CACNA2D3: variants seen among roughly 807,000 people sequenced by gnomAD.
CACNA2D3 encodes the protein calcium voltage-gated channel auxiliary subunit alpha2delta 3.
In CACNA2D3, 60 loss-of-function variants were observed where a neutral mutation model predicts 160.6. The ratio of observed to expected loss-of-function variants is 0.37; its 90% CI spans 0.30 to 0.46. CACNA2D3 has a LOEUF of 0.46. CACNA2D3 is among the 20% of genes least tolerant of loss of function. The pLI, the probability that CACNA2D3 is intolerant of heterozygous loss-of-function variation, is 1.00. For missense variants in CACNA2D3, 1,205 were observed against 1,365.0 expected (o/e 0.88, Z 1.85); for synonymous variants, 558 against 492.9 (o/e 1.13, Z -1.75).
chr3:54,517,082 G>T (rs1187166501), intron 5 of CACNA2D3, among the ~76,000 whole-genome samples: 3 of 152,340 alleles, frequency 2.0e-5, no homozygotes, highest in Admixed American at 1.3e-4. Context: ...ACACGGATTT[G>T]GGTGGTGGTG....
At chr3:54,896,965 G>A (rs932832627) in intron 26 of CACNA2D3, 95 bp downstream of exon 26, 20 of 1,529,228 alleles carry the variant, frequency 1.3e-5, no homozygotes, top group African/African-American at 5.5e-5. Context: ...AATGCTGAAA[G>A]GAACCAAGTT....
chr3:54,900,296 T>TC (rs2106889094), intron 27 of CACNA2D3, among the ~76,000 whole-genome samples: 1 of 152,270 alleles, frequency 6.6e-6, no homozygotes, highest in African/African-American at 2.4e-5. Flanking sequence ...GAGATTTTCA[T>TC]CCCCCTAATC....
At chr3:54,993,593 T>A (rs1013925784) in intron 31 of CACNA2D3, among the ~76,000 whole-genome samples, 25 of 152,038 alleles carry the variant, frequency 1.6e-4, no homozygotes, top group Non-Finnish European at 7.4e-5. Flanking sequence ...AAATCTTTAC[T>A]GAAGGATGAA....
chr3:54,509,941 A>G (rs2106959025), intron 5 of CACNA2D3, among the ~76,000 whole-genome samples: 1 of 152,310 alleles, frequency 6.6e-6, no homozygotes, highest in African/African-American at 2.4e-5. Flanking sequence ...GTGTGTATGC[A>G]TAGGTTTGTG....
At chr3:54,876,021 G>A (rs771556070) in intron 18 of CACNA2D3, among the ~76,000 whole-genome samples, 5 of 152,134 alleles carry the variant, frequency 3.3e-5, no homozygotes. Context: ...CTGCACATGG[G>A]TTTTTTAATG....
intron 4 of CACNA2D3, among the ~76,000 whole-genome samples, chr3:54,388,532 G>A (rs1699227614): frequency 6.6e-6 from 1 of 152,236 alleles, no homozygotes; most frequent in Admixed American, 6.5e-5. Flanking sequence ...AGGGGAATGA[G>A]GAGAAGCTCT....
intron 17 of CACNA2D3, among the ~76,000 whole-genome samples, chr3:54,849,485 G>C (rs1699009304): frequency 6.6e-6 from 1 of 152,128 alleles, no homozygotes; most frequent in African/African-American, 2.4e-5. Context: ...ACTTACTTTA[G>C]GTTCTTCTGG....
chr3:54,949,664 G>A (rs1397172505), intron 27 of CACNA2D3, among the ~76,000 whole-genome samples: 1 of 152,216 alleles, frequency 6.6e-6, no homozygotes, highest in East Asian at 1.9e-4. Flanking sequence ...GTTGCAAACA[G>A]TAACCTGAAA....
intron 34 of CACNA2D3, among the ~76,000 whole-genome samples, chr3:55,013,943 T>G (rs1703267816): frequency 6.6e-6 from 1 of 152,160 alleles, no homozygotes; most frequent in Non-Finnish European, 1.5e-5. Context: ...GGACGCTCCC[T>G]TGGGTGCTTC....
intron 2 of CACNA2D3, among the ~76,000 whole-genome samples, chr3:54,221,445 G>A (rs1320296025): frequency 6.6e-6 from 1 of 152,202 alleles, no homozygotes; most frequent in Non-Finnish European, 1.5e-5. Context: ...AATTTTGAAT[G>A]TCTAACTGGT....
At chr3:54,523,932 C>G (rs183971735) in intron 5 of CACNA2D3, among the ~76,000 whole-genome samples, 3 of 151,508 alleles carry the variant, frequency 2.0e-5, no homozygotes, top group African/African-American at 7.2e-5. Flanking sequence ...ATTTTTTTAT[C>G]TTCTTAATGA....
At chr3:54,475,583 C>T (rs773274997) in intron 4 of CACNA2D3, among the ~76,000 whole-genome samples, 22 of 152,080 alleles carry the variant, frequency 1.4e-4, no homozygotes, top group Admixed American at 2.6e-4. Flanking sequence ...CTGAAGTTCC[C>T]TTCCCCCAAG....
chr3:55,001,661 G>T (rs1246192976), intron 31 of CACNA2D3, among the ~76,000 whole-genome samples: 1 of 152,110 alleles, frequency 6.6e-6, no homozygotes, highest in African/African-American at 2.4e-5. Context: ...TGAGCCTTTG[G>T]GAACAGTGCA....
chr3:54,254,555 T>C (rs1202332226), intron 2 of CACNA2D3, among the ~76,000 whole-genome samples: 2 of 152,210 alleles, frequency 1.3e-5, no homozygotes, highest in African/African-American at 4.8e-5. Context: ...TTACCTAACC[T>C]TTCTGAGCTT....
At chr3:54,231,813 G>A (rs1038374332) in intron 2 of CACNA2D3, among the ~76,000 whole-genome samples, 8 of 152,268 alleles carry the variant, frequency 5.3e-5, no homozygotes, top group African/African-American at 1.9e-4. Flanking sequence ...ATTCCGTAGA[G>A]GCAGACAGCT....
intron 27 of CACNA2D3, among the ~76,000 whole-genome samples, chr3:54,912,782 T>C (rs1337682669): frequency 6.6e-6 from 1 of 152,190 alleles, no homozygotes; most frequent in Non-Finnish European, 1.5e-5. Context: ...ACAGATATTT[T>C]ATATTTCTTG....
chr3:54,420,137 T>A (rs114790636), intron 4 of CACNA2D3, among the ~76,000 whole-genome samples: 3,234 of 151,812 alleles, frequency 0.021, 110 homozygotes, highest in African/African-American at 0.075. Context: ...CAGGCTGGAG[T>A]TGAGTAGTGC....
intron 27 of CACNA2D3, among the ~76,000 whole-genome samples, chr3:54,911,403 A>G (rs1438844537): frequency 3.3e-4 from 35 of 105,306 alleles, no homozygotes; most frequent in Non-Finnish European, 4.9e-4. Flanking sequence ...GTTTTTCCCC[A>G]GACTGGTCTT....
At chr3:54,515,996 A>G (rs189002131) in intron 5 of CACNA2D3, among the ~76,000 whole-genome samples, 216 of 152,310 alleles carry the variant, frequency 1.4e-3, no homozygotes, top group African/African-American at 4.0e-3. Flanking sequence ...AGAGTGCAGC[A>G]GCCAGTCTCC....
Sources: gnomAD v4.1 joint callset for allele counts (sites outside exome capture counted in the v4.1 genomes callset) on GRCh38, gnomAD v4.1.1 for gene constraint, MANE v1.5 for transcripts, NCBI Gene and HGNC (gene_info 2026-07-23, HGNC 2026-07-21) for gene names.